Variants in SNTG1 observed in about 807,000 individuals in gnomAD.
SNTG1 encodes the protein syntrophin gamma 1.
SNTG1 carries 39 observed loss-of-function variants against 74.7 expected under a neutral mutation model. The observed-to-expected ratio is 0.52, with a 90% CI of 0.40 to 0.68. The LOEUF is 0.68. Among genes scored for constraint, SNTG1 ranks in the 30% least tolerant of loss-of-function variants. SNTG1 has a pLI of 0.00. For missense variants in SNTG1, 685 were observed against 609.5 expected (o/e 1.12, Z -1.30); for synonymous variants, 254 against 217.1 (o/e 1.17, Z -1.49).
At chr8:50,623,882 T>C (rs1430238623) in intron 13 of SNTG1, among the ~76,000 whole-genome samples, 2 of 139,388 alleles carry the variant, frequency 1.4e-5, no homozygotes, top group African/African-American at 5.9e-5. Flanking sequence ...TATTATCTCT[T>C]TTTTTAAACT....
At chr8:50,435,426 T>A (rs1225767415) in intron 4 of SNTG1, among the ~76,000 whole-genome samples, 1 of 152,196 alleles carries the variant, frequency 6.6e-6, no homozygotes, top group Admixed American at 6.5e-5. Context: ...TTCCAGATAT[T>A]GTCTGATTTA....
Position 50,296,820 on chromosome 8 carries a change from G to A in SNTG1, c.-27-97392G>A, listed in dbSNP as rs188941298. Among the ~76,000 whole-genome samples the A allele has an allele frequency of 1.7e-3, 253 of 150,830 alleles. No homozygotes were observed. The Middle Eastern group carries it at 0.021, about 12-fold the overall frequency. On this transcript the variant is annotated intron_variant, in intron 2 of 18. Coordinates refer to ENST00000642720, the MANE Select transcript of SNTG1 (RefSeq NM_018967.5). ...GAGAAAGAGAAAGAAAAAGCAAAAC[G>A]AAAACAAAAAACAGTTTATTCCATG...
intron 15 of SNTG1, among the ~76,000 whole-genome samples, chr8:50,673,271 G>A (rs2131355757): frequency 6.6e-6 from 1 of 152,122 alleles, no homozygotes; most frequent in African/African-American, 2.4e-5. Context: ...TTTGGGCATT[G>A]TGGCCATTTT....
At chr8:50,437,131 A>G (rs780880227) in intron 4 of SNTG1, among the ~76,000 whole-genome samples, 25 of 152,202 alleles carry the variant, frequency 1.6e-4, no homozygotes, top group African/African-American at 3.4e-4. Flanking sequence ...TAAGAGTAAC[A>G]TAAGTATTTT....
At chr8:50,048,839 A>G (rs1819321820) in intron 1 of SNTG1, among the ~76,000 whole-genome samples, 1 of 152,112 alleles carries the variant, frequency 6.6e-6, no homozygotes. Context: ...GCAGTTGCCA[A>G]GTAAGTTTTG....
chr8:50,658,535 T>C, intron 14 of SNTG1, 57 bp from the exon 15 acceptor site: 1 of 1,265,030 alleles, frequency 7.9e-7, no homozygotes, highest in Non-Finnish European at 1.1e-6. Flanking sequence ...GCAAATCAAA[T>C]ACAGTGGTAA....
chr8:50,028,794 T>C (rs1396976249), intron 1 of SNTG1, among the ~76,000 whole-genome samples: 1 of 152,230 alleles, frequency 6.6e-6, no homozygotes, highest in Non-Finnish European at 1.5e-5. Flanking sequence ...ATTTTCAATA[T>C]ATTTTTAATT....
chr8:49,922,489 T>C (rs1277887155), intron 1 of SNTG1, among the ~76,000 whole-genome samples: 1 of 152,052 alleles, frequency 6.6e-6, no homozygotes, highest in Non-Finnish European at 1.5e-5. Flanking sequence ...ATGGGAGCAT[T>C]TACATTGAGT....
At chr8:50,035,502 T>A (rs1818080467) in intron 1 of SNTG1, among the ~76,000 whole-genome samples, 1 of 152,146 alleles carries the variant, frequency 6.6e-6, no homozygotes, top group Non-Finnish European at 1.5e-5. Flanking sequence ...TGAGCAAAAA[T>A]GTGAAGATTT....
intron 17 of SNTG1, among the ~76,000 whole-genome samples, chr8:50,725,230 C>T (rs1268402642): frequency 2.0e-5 from 3 of 152,120 alleles, no homozygotes; most frequent in Non-Finnish European, 4.4e-5. Context: ...CAAGCATATG[C>T]TAATTTGTTC....
At chr8:50,315,611 G>A (rs1563885894) in intron 2 of SNTG1, among the ~76,000 whole-genome samples, 1 of 149,936 alleles carries the variant, frequency 6.7e-6, no homozygotes, top group Non-Finnish European at 1.5e-5. Flanking sequence ...CTTCAATAAA[G>A]CAGAAAACCT....
In SNTG1 at chr8:50,157,098, T is replaced by C. The variant is rs1183398368; in HGVS notation, c.-102-15463T>C. Among the ~76,000 whole-genome samples, 4 of 152,098 alleles carry C rather than the reference T, an allele frequency of 2.6e-5. No individual in the cohort carries two copies. The East Asian group carries it at 7.7e-4, about 29-fold the overall frequency. ...AGCAATACAAAGAATGGAATACTGA[T>C]AGATGCAAAAACAGAGCTGAATCTC... is the stretch of plus-strand genomic sequence containing the variant. On this transcript the variant is annotated intron_variant, in intron 1 of 18. Transcript: ENST00000642720.
Position 50,196,303 on chromosome 8 carries a change from T to A in SNTG1, c.-28+23668T>A, listed in dbSNP as rs185968258. 5.9e-5 allele frequency among the ~76,000 whole-genome samples: 9 copies of A among 152,288 alleles called. No homozygotes were observed. The East Asian group carries it at 1.7e-3, about 29-fold the overall frequency. ...CTAGCAACTGGTATCTCGTAATCCA[T>A]GCAACTGTCTCAGAATTAACAAGTA... On this transcript the variant is annotated intron_variant, in intron 2 of 18. Transcript: ENST00000642720.
chr8:50,365,006 T>C (rs1229118803), intron 2 of SNTG1, among the ~76,000 whole-genome samples: 1 of 152,114 alleles, frequency 6.6e-6, no homozygotes, highest in Non-Finnish European at 1.5e-5. Context: ...CCACTATCCA[T>C]TCTCATAATT....
intron 11 of SNTG1, among the ~76,000 whole-genome samples, chr8:50,546,616 A>G (rs911243715): frequency 1.4e-5 from 2 of 145,960 alleles, no homozygotes; most frequent in Non-Finnish European, 3.0e-5. Context: ...CCCATGTATG[A>G]GTGAGAACAT....
intron 18 of SNTG1, among the ~76,000 whole-genome samples, chr8:50,783,417 C>A (rs2095665862): frequency 1.3e-5 from 2 of 152,248 alleles, no homozygotes; most frequent in South Asian, 4.1e-4. Flanking sequence ...GCCCCTCCCC[C>A]AGCCTCACTG....
At chr8:50,589,479 A>C (rs997181940) in intron 12 of SNTG1, among the ~76,000 whole-genome samples, 1 of 152,176 alleles carries the variant, frequency 6.6e-6, no homozygotes, top group East Asian at 1.9e-4. Context: ...TTGCTCAACC[A>C]CTACTTTCTA....
chr8:50,066,936 C>T (rs1042585157), intron 1 of SNTG1, among the ~76,000 whole-genome samples: 2 of 152,178 alleles, frequency 1.3e-5, no homozygotes, highest in Admixed American at 6.5e-5. Flanking sequence ...GAAAACTCCA[C>T]TGGAAAAAAG....
intron 1 of SNTG1, among the ~76,000 whole-genome samples, chr8:49,993,471 T>C (rs1484769485): frequency 6.6e-6 from 1 of 151,762 alleles, no homozygotes; most frequent in African/African-American, 2.4e-5. Flanking sequence ...ACATGTGCCA[T>C]GGTGGTTTGC....
Sources: gnomAD v4.1 joint callset for allele counts (sites outside exome capture counted in the v4.1 genomes callset) on GRCh38, gnomAD v4.1.1 for gene constraint, MANE v1.5 for transcripts, NCBI Gene and HGNC (gene_info 2026-07-23, HGNC 2026-07-21) for gene names.